The following TENM3 variants were observed in gnomAD, a reference collection of about 807,000 sequenced individuals.
TENM3 encodes the protein teneurin transmembrane protein 3, also known as teneurin-3.
In TENM3, 63 loss-of-function variants were observed where a neutral mutation model predicts 255.1. That is an observed-to-expected ratio of 0.25 (90% confidence interval 0.20 to 0.30). The LOEUF (loss-of-function observed/expected upper bound fraction) is 0.30, where lower values mean the gene tolerates loss of function less well. Ranked by LOEUF, TENM3 falls within the 10% of genes least tolerant of loss-of-function variation. The probability of loss-of-function intolerance (pLI) is 1.00; values close to 1 mark genes in which losing one functional copy is unlikely to be tolerated. For synonymous variants in TENM3, 1,306 were observed against 1,322.3 expected (o/e 0.99, Z 0.27); for missense variants, 2,929 against 3,461.1 (o/e 0.85, Z 3.86).
At chr4:181,502,412 G>A in the TENM3 span, among the ~76,000 whole-genome samples, 1 of 152,200 alleles carries the variant, frequency 6.6e-6, no homozygotes, top group Non-Finnish European at 1.5e-5. Flanking sequence ...AGCTGTGTGA[G>A]CCACAAACAG....
chr4:182,634,707 TAAAAAAAAAAA>T (rs11395245), intron 5 of TENM3, among the ~76,000 whole-genome samples: 32 of 116,416 alleles, frequency 2.7e-4, no homozygotes, highest in African/African-American at 9.4e-4. Flanking sequence ...ACTCTGAAAT[TAAAAAAAAAAA>T]AAAAAAAAAA....
chr4:181,595,784 T>C, the TENM3 span, among the ~76,000 whole-genome samples: 11 of 152,250 alleles, frequency 7.2e-5, no homozygotes, highest in African/African-American at 2.6e-4. Flanking sequence ...AGGTGCATTC[T>C]ATCTTAGAGG....
chr4:181,588,197 G>A, the TENM3 span, among the ~76,000 whole-genome samples: 6 of 152,132 alleles, frequency 3.9e-5, no homozygotes, highest in African/African-American at 9.7e-5. Context: ...AATGCCCTGC[G>A]GTGTACTGTG....
chr4:182,627,177 TC>T (rs1326418641), intron 4 of TENM3, among the ~76,000 whole-genome samples: 3 of 152,208 alleles, frequency 2.0e-5, no homozygotes, highest in Non-Finnish European at 4.4e-5. Context: ...ATGAGTGTGA[TC>T]CTTTTTTATT....
intron 2 of TENM3, among the ~76,000 whole-genome samples, chr4:182,332,440 C>A (rs1763820516): frequency 6.6e-6 from 1 of 152,108 alleles, no homozygotes; most frequent in Non-Finnish European, 1.5e-5. Context: ...CGCCTGTAAT[C>A]CCAGCACTTT....
chr4:181,451,164 A>G, the TENM3 span, among the ~76,000 whole-genome samples: 1 of 152,206 alleles, frequency 6.6e-6, no homozygotes, highest in Non-Finnish European at 1.5e-5. Context: ...AGCAGACTTA[A>G]AGCTTGAATT....
the TENM3 span, among the ~76,000 whole-genome samples, chr4:181,478,794 A>G: frequency 1.3e-5 from 2 of 152,120 alleles, no homozygotes; most frequent in East Asian, 3.9e-4. Context: ...GTCCTTTTCT[A>G]CTTCACCAGA....
chr4:182,704,520 TC>T (rs1758123858), intron 12 of TENM3, among the ~76,000 whole-genome samples: 1 of 152,242 alleles, frequency 6.6e-6, no homozygotes, highest in Non-Finnish European at 1.5e-5. Context: ...AAGCAGCTCT[TC>T]CATAGAATCT....
intron 3 of TENM3, among the ~76,000 whole-genome samples, chr4:182,574,023 C>A (rs780701358): frequency 1.1e-4 from 17 of 152,072 alleles, no homozygotes; most frequent in Non-Finnish European, 2.2e-4. Flanking sequence ...TTTTGTATTT[C>A]ATTTCAAACA....
intron 3 of TENM3, among the ~76,000 whole-genome samples, chr4:182,500,331 A>C (rs1320196438): frequency 6.6e-6 from 1 of 152,190 alleles, no homozygotes; most frequent in Non-Finnish European, 1.5e-5. Context: ...ACAGATCAGT[A>C]AATTTAAAAA....
At chr4:181,570,966 T>A in the TENM3 span, among the ~76,000 whole-genome samples, 1 of 118,974 alleles carries the variant, frequency 8.4e-6, no homozygotes, top group African/African-American at 3.2e-5. Context: ...AGATCTGACG[T>A]CCAGGCTGAT....
chr4:181,504,138 C>T, the TENM3 span, among the ~76,000 whole-genome samples: 2 of 152,144 alleles, frequency 1.3e-5, no homozygotes, highest in East Asian at 3.9e-4. Context: ...TCGCTTTGTC[C>T]TTGTGGCCCT....
At chr4:181,631,489 A>C in the TENM3 span, among the ~76,000 whole-genome samples, 1 of 151,916 alleles carries the variant, frequency 6.6e-6, no homozygotes, top group Non-Finnish European at 1.5e-5. Context: ...GCAGGGTTTC[A>C]CCATCTTGGC....
At chr4:182,167,226 A>G (rs571915581) in intron 1 of TENM3, among the ~76,000 whole-genome samples, 24 of 152,334 alleles carry the variant, frequency 1.6e-4, no homozygotes, top group Non-Finnish European at 1.3e-4. Flanking sequence ...AAAGCTTGAG[A>G]GGATAGGGAA....
rs1443049280 is a variant in TENM3 at position 182,481,230 on chromosome 4, C to T, written c.512-119694C>T. ...TTTCTAAATCAAGATTTAAATGTAA[C>T]AATAAACAAGGAGTTAAAGAGAAAG... On this transcript the variant is annotated intron_variant, in intron 3 of 27. Coordinates refer to ENST00000511685, the MANE Select transcript of TENM3 (RefSeq NM_001080477.4). Among the ~76,000 whole-genome samples the T allele has an allele frequency of 3.9e-5, 6 of 152,118 alleles. No individual in the cohort carries two copies. In the East Asian group the frequency reaches 1.2e-3, roughly 29 times the overall value.
intron 13 of TENM3, among the ~76,000 whole-genome samples, chr4:182,725,564 G>T (rs572087023): frequency 9.2e-5 from 14 of 151,522 alleles, no homozygotes; most frequent in African/African-American, 3.4e-4. Flanking sequence ...TTTTGCCTAG[G>T]AAAGTAATAT....
At chr4:181,509,987 C>T in the TENM3 span, among the ~76,000 whole-genome samples, 7 of 152,312 alleles carry the variant, frequency 4.6e-5, no homozygotes, top group East Asian at 1.2e-3. Context: ...TAATTAAATG[C>T]TCACTTTCCT....
chr4:182,779,999 G>T (rs1368487623), intron 24 of TENM3, among the ~76,000 whole-genome samples: 1 of 150,378 alleles, frequency 6.6e-6, no homozygotes, highest in Admixed American at 6.6e-5. Flanking sequence ...CTCCCATTTT[G>T]TAGGTTGCCT....
chr4:182,254,885 A>G (rs970082149), intron 1 of TENM3, among the ~76,000 whole-genome samples: 1 of 151,412 alleles, frequency 6.6e-6, no homozygotes, highest in Non-Finnish European at 1.5e-5. Context: ...ACAGTCAGCA[A>G]AAAACAAAAA....
Sources: allele counts gnomAD v4.1 joint callset (sites outside exome capture counted in the v4.1 genomes callset), GRCh38; gene constraint gnomAD v4.1.1; transcripts MANE v1.5; gene names NCBI Gene and HGNC (gene_info 2026-07-23, HGNC 2026-07-21).